The following MGAT5 variants were observed in gnomAD, a reference collection of about 807,000 sequenced individuals.
The protein encoded by MGAT5 is alpha-1,6-mannosylglycoprotein 6-beta-N-acetylglucosaminyltransferase A.
In MGAT5, 30 loss-of-function variants were observed where a neutral mutation model predicts 94.3. The ratio of observed to expected loss-of-function variants is 0.32; its 90% CI spans 0.24 to 0.43. The LOEUF (loss-of-function observed/expected upper bound fraction) is 0.43, where lower values mean the gene tolerates loss of function less well. Among genes scored for constraint, MGAT5 ranks in the 20% least tolerant of loss-of-function variants. MGAT5 has a pLI of 1.00. For missense variants in MGAT5, 691 were observed against 905.5 expected (o/e 0.76, Z 3.04); for synonymous variants, 310 against 322.9 (o/e 0.96, Z 0.43).
chr2:134,355,984 A>G (rs561372235), intron 9 of MGAT5, among the ~76,000 whole-genome samples: 44 of 152,342 alleles, frequency 2.9e-4, no homozygotes, highest in Non-Finnish European at 5.9e-4. Context: ...CACTTTTCAT[A>G]TCATTACCAT....
intron 10 of MGAT5, among the ~76,000 whole-genome samples, chr2:134,362,839 C>T (rs1680187978): frequency 6.6e-6 from 1 of 152,202 alleles, no homozygotes; most frequent in Non-Finnish European, 1.5e-5. Flanking sequence ...CAGTGGGCTT[C>T]ACATCCTCTT....
chr2:134,160,499 A>G (rs1025790508), intron 1 of MGAT5, among the ~76,000 whole-genome samples: 1 of 152,124 alleles, frequency 6.6e-6, no homozygotes, highest in Non-Finnish European at 1.5e-5. Flanking sequence ...AGGCTGGCTC[A>G]CCCAAACTGC....
intron 1 of MGAT5, among the ~76,000 whole-genome samples, chr2:134,244,424 A>C (rs901648041): frequency 6.6e-6 from 1 of 152,080 alleles, no homozygotes; most frequent in Admixed American, 6.5e-5. Context: ...CCAGTGCCTT[A>C]ATACTCATTA....
At chr2:134,249,113 T>C (rs1474173569), upstream of MGAT5, among the ~76,000 whole-genome samples, 11 of 152,216 alleles carry the variant, frequency 7.2e-5, no homozygotes, top group African/African-American at 2.6e-4. Context: ...AGCCCTTAGT[T>C]CCTGCCCTGG....
chr2:134,404,549 A>G (rs1427263607), intron 11 of MGAT5, among the ~76,000 whole-genome samples: 2 of 152,152 alleles, frequency 1.3e-5, no homozygotes, highest in Non-Finnish European at 2.9e-5. Flanking sequence ...AAGCTCTGCT[A>G]GCCCCTTGAT....
intron 1 of MGAT5, among the ~76,000 whole-genome samples, chr2:134,177,570 C>T (rs1429173810): frequency 6.6e-6 from 1 of 152,224 alleles, no homozygotes; most frequent in Non-Finnish European, 1.5e-5. Flanking sequence ...CCTGCCCTTT[C>T]CCGTTCTTCT....
chr2:134,388,630 A>G (rs1273065436), intron 10 of MGAT5, among the ~76,000 whole-genome samples: 2 of 152,182 alleles, frequency 1.3e-5, no homozygotes, highest in African/African-American at 4.8e-5. Context: ...TATTTGTTAT[A>G]CCAGGTTATT....
At chr2:134,120,708 C>G (rs990902793) in intron 1 of MGAT5, among the ~76,000 whole-genome samples, 1 of 151,784 alleles carries the variant, frequency 6.6e-6, no homozygotes, top group Admixed American at 6.5e-5. Context: ...GTGGGGGTCA[C>G]GCCGCAGGCG....
intron 1 of MGAT5, among the ~76,000 whole-genome samples, chr2:134,208,647 T>C (rs1275094562): frequency 6.6e-6 from 1 of 152,218 alleles, no homozygotes; most frequent in Admixed American, 6.5e-5. Context: ...ACCAGAAACA[T>C]GGTCTTTATC....
At chr2:134,390,398 C>G (rs1682326930) in intron 10 of MGAT5, among the ~76,000 whole-genome samples, 1 of 152,176 alleles carries the variant, frequency 6.6e-6, no homozygotes, top group Non-Finnish European at 1.5e-5. Flanking sequence ...TACATGTGCA[C>G]AACGTGCAGG....
intron 1 of MGAT5, among the ~76,000 whole-genome samples, chr2:134,149,144 C>T (rs970965204): frequency 3.3e-5 from 5 of 152,088 alleles, no homozygotes; most frequent in African/African-American, 7.2e-5. Flanking sequence ...GATCCTATTT[C>T]CCTCTTTTAA....
At chr2:134,312,256 A>C (rs540449101) in intron 2 of MGAT5, among the ~76,000 whole-genome samples, 47 of 152,246 alleles carry the variant, frequency 3.1e-4, no homozygotes, top group South Asian at 2.3e-3. Flanking sequence ...AAAACAACAA[A>C]AAAAAATCTC....
chr2:134,140,068 A>G (rs547580527), intron 1 of MGAT5, among the ~76,000 whole-genome samples: 1 of 152,366 alleles, frequency 6.6e-6, no homozygotes, highest in African/African-American at 2.4e-5. Flanking sequence ...AGTGACCAGC[A>G]GGACCTGGAG....
At chr2:134,176,572 T>TTAA (rs764769403) in intron 1 of MGAT5, among the ~76,000 whole-genome samples, 1 of 83,314 alleles carries the variant, frequency 1.2e-5, no homozygotes, top group African/African-American at 5.4e-5. Context: ...GACTCTGTCT[T>TTAA]AAAAAAAAAA....
intron 2 of MGAT5, among the ~76,000 whole-genome samples, chr2:134,283,610 T>G (rs1684829270): frequency 6.6e-6 from 1 of 151,328 alleles, no homozygotes; most frequent in East Asian, 1.9e-4. Context: ...CCTGTCTCTA[T>G]TCACATTTAA....
At chr2:134,409,657 A>G (rs1365944538) in intron 11 of MGAT5, among the ~76,000 whole-genome samples, 1 of 152,196 alleles carries the variant, frequency 6.6e-6, no homozygotes, top group Non-Finnish European at 1.5e-5. Context: ...ATTATCCTCA[A>G]TGTTCCCCAT....
Position 134,441,751 on chromosome 2 carries a change from G to A in MGAT5, c.1870-7G>A, listed in dbSNP as rs368852484. 9.2e-5 allele frequency: 148 copies of A among 1,608,044 alleles called. 1 individual carries two copies. Among genetic ancestry groups the A allele is most frequent in the Middle Eastern group, 3.3e-4 (2 of 6,052 alleles). On this transcript the variant is annotated splice_polypyrimidine_tract_variant and splice_region_variant and intron_variant, in intron 14 of 15. Coordinates refer to ENST00000281923, the MANE Select transcript of MGAT5 (RefSeq NM_002410.5). ...ACCTGTGGCTGATGGCTTCATTGTC[G>A]TTCTAGGACTTCTGCCATGGGCAAG...
chr2:134,454,401 A>T lies in MGAT5; in HGVS notation c.*5554A>T, dbSNP rs1202403309. 4 of 152,142 alleles carry T rather than the reference A, an allele frequency of 2.6e-5. No individual in the cohort carries two copies. The highest frequency in any genetic ancestry group is 4.8e-5 in the African/African-American group (2 of 41,414). The allele number at this position is 152,142 out of a possible 1,614,324, so 9.4% of individuals were successfully genotyped here. On this transcript the variant is annotated 3_prime_UTR_variant, in exon 16 of 16. Transcript: ENST00000281923. Reference sequence around the variant, plus strand: ...CACTGTAGTTGCTGTCACAACCTTGACGTCTTTAAGCTAATGGCCGTTTGC... The same window carrying T: ...CACTGTAGTTGCTGTCACAACCTTGTCGTCTTTAAGCTAATGGCCGTTTGC...
chr2:134,130,377 C>T (rs1686091622), intron 1 of MGAT5, among the ~76,000 whole-genome samples: 1 of 152,254 alleles, frequency 6.6e-6, no homozygotes, highest in Admixed American at 6.5e-5. Context: ...ATTGACTGCC[C>T]AAGGGCTGAG....
Sources: gnomAD v4.1 joint callset for allele counts (sites outside exome capture counted in the v4.1 genomes callset) on GRCh38, gnomAD v4.1.1 for gene constraint, MANE v1.5 for transcripts, NCBI Gene and HGNC (gene_info 2026-07-23, HGNC 2026-07-21) for gene names.